The following MAEL variants were observed in gnomAD, a reference collection of about 807,000 sequenced individuals.
The protein encoded by MAEL is maelstrom spermatogenic transposon silencer.
In MAEL, 46 loss-of-function variants were observed where a neutral mutation model predicts 62.0. The ratio of observed to expected loss-of-function variants is 0.74; its 90% CI spans 0.59 to 0.95. MAEL has a LOEUF of 0.95. Ranked by LOEUF, MAEL falls within the 40% of genes least tolerant of loss-of-function variation. MAEL has a pLI of 0.00. For synonymous variants in MAEL, 172 were observed against 175.5 expected, an observed-to-expected ratio of 0.98 and a Z score of 0.16; for missense variants, 497 against 526.8, an observed-to-expected ratio of 0.94 and a Z score of 0.55.
chr1:167,017,999 T>C lies in MAEL; in HGVS notation c.1041+40T>C, dbSNP rs763779455. The C allele has an allele frequency of 2.5e-6, 4 of 1,593,344 alleles. No individual in the cohort carries two copies. The East Asian group carries it at 9.0e-5, about 36-fold the overall frequency. ...TTTAAGAGCTGCTGGTCTCTTTAGC[T>C]GTTCTACTCAATGTGATTCTGGCCA... On this transcript the variant is annotated intron_variant, in intron 10 of 11. Transcript: ENST00000367872.
rs551740910 is a variant in MAEL, at chr1:167,017,993, T to G, written c.1041+34T>G. The G allele has an allele frequency of 2.5e-6, 4 of 1,606,642 alleles. No homozygotes were observed. The South Asian group carries it at 3.3e-5, about 13-fold the overall frequency. ...CTGACTTTTAAGAGCTGCTGGTCTC[T>G]TTAGCTGTTCTACTCAATGTGATTC... is the stretch of plus-strand genomic sequence containing the variant. On this transcript the variant is annotated intron_variant, in intron 10 of 11. Coordinates refer to ENST00000367872, the MANE Select transcript of MAEL (RefSeq NM_032858.3).
chr1:166,988,592 T>C (rs1212691430), upstream of MAEL, among the ~76,000 whole-genome samples: 2 of 152,236 alleles, frequency 1.3e-5, no homozygotes, highest in East Asian at 1.9e-4. Flanking sequence ...TGTGACTATA[T>C]ACACAGGACC....
Position 166,989,335 on chromosome 1 carries a change from A to G in MAEL, c.-18A>G, listed in dbSNP as rs1209119163. The G allele has an allele frequency of 1.9e-6, 3 of 1,605,644 alleles. No homozygotes were observed. The highest frequency in any genetic ancestry group is 2.2e-5 in the South Asian group (2 of 89,234). ...GTGCTTTGTTCTGTCTGAGGCCAGG[A>G]AGTTTGACCGCGCTGCCATGCCGAA... On this transcript the variant is annotated 5_prime_UTR_variant, in exon 1 of 12. Transcript: ENST00000367872.
intron 5 of MAEL, among the ~76,000 whole-genome samples, chr1:166,998,463 T>C (rs1664519706): frequency 6.6e-6 from 1 of 152,232 alleles, no homozygotes; most frequent in Non-Finnish European, 1.5e-5. Flanking sequence ...ACTCTTGAGT[T>C]TTTAGCAGAT....
At chr1:167,003,352 C>CT (rs1250590997) in intron 5 of MAEL, among the ~76,000 whole-genome samples, 1 of 152,110 alleles carries the variant, frequency 6.6e-6, no homozygotes, top group Admixed American at 6.5e-5. Flanking sequence ...TCTGGAGTAC[C>CT]TGTGGGTATC....
intron 2 of MAEL, chr1:166,990,634 G>A (rs1664131508): frequency 6.6e-6 from 1 of 152,076 alleles, no homozygotes; most frequent in Non-Finnish European, 1.5e-5. Flanking sequence ...ACTCCAGCCT[G>A]TGCGAAAGAG....
intron 9 of MAEL, 38 bp from the exon 10 acceptor site, chr1:167,017,789 A>G: frequency 6.4e-7 from 1 of 1,566,316 alleles, no homozygotes; most frequent in Non-Finnish European, 8.7e-7. Flanking sequence ...GTTGAATTAA[A>G]TTAGATTCTG....
intron 1 of MAEL, among the ~76,000 whole-genome samples, chr1:166,983,673 A>G (rs1327866): frequency 0.26 from 39,781 of 152,026 alleles, 5,588 homozygotes; most frequent in African/African-American, 0.37. Flanking sequence ...TGTTCTGTTT[A>G]TGTAGGACTT....
At chr1:166,989,600 G>A (rs1664070314) in intron 1 of MAEL, 116 bp downstream of exon 1, 4 of 1,485,340 alleles carry the variant, frequency 2.7e-6, no homozygotes, top group African/African-American at 1.4e-5. Flanking sequence ...CAGAGGAAGA[G>A]GAAGGCCCCC....
chr1:167,006,365 GTTAC>G (rs1440222963), intron 8 of MAEL, among the ~76,000 whole-genome samples: 1 of 151,732 alleles, frequency 6.6e-6, no homozygotes, highest in African/African-American at 2.4e-5. Context: ...GTACAGGCCA[GTTAC>G]TTTATAGAAT....
upstream of MAEL, among the ~76,000 whole-genome samples, chr1:166,984,923 G>T (rs1663869370): frequency 6.6e-6 from 1 of 152,134 alleles, no homozygotes; most frequent in African/African-American, 2.4e-5. Flanking sequence ...GTTAAATCTA[G>T]ATATGGTTTT....
upstream of MAEL, among the ~76,000 whole-genome samples, chr1:166,987,054 A>T (rs546610103): frequency 2.5e-4 from 38 of 151,940 alleles, 1 homozygote; most frequent in African/African-American, 8.9e-4. Flanking sequence ...TGACTTTAAA[A>T]TGAAACACAC....
chr1:166,991,335 C>T, intron 2 of MAEL, 43 bp from the exon 3 acceptor site: 1 of 1,279,008 alleles, frequency 7.8e-7, no homozygotes, highest in Non-Finnish European at 1.1e-6. Flanking sequence ...TCTAAAAGTG[C>T]CCAGCAAGAG....
At chr1:166,980,185 T>A (rs1663717458) in intron 1 of MAEL, among the ~76,000 whole-genome samples, 1 of 152,020 alleles carries the variant, frequency 6.6e-6, no homozygotes, top group African/African-American at 2.4e-5. Flanking sequence ...GCCCAGCTAA[T>A]TTTTAATTTG....
intron 5 of MAEL, among the ~76,000 whole-genome samples, chr1:166,999,577 C>G (rs10918608): frequency 6.6e-6 from 1 of 151,972 alleles, no homozygotes; most frequent in African/African-American, 2.4e-5. Context: ...CAAGTGCTGA[C>G]GTAGACGCTG....
At chr1:167,003,175 AAC>A (rs908956544) in intron 5 of MAEL, among the ~76,000 whole-genome samples, 2 of 152,132 alleles carry the variant, frequency 1.3e-5, no homozygotes, top group African/African-American at 4.8e-5. Flanking sequence ...TGCAGCCTCA[AAC>A]TCCTGGCTCA....
chr1:166,990,976 G>C (rs777301383), intron 2 of MAEL, among the ~76,000 whole-genome samples: 12 of 152,344 alleles, frequency 7.9e-5, no homozygotes, highest in Admixed American at 1.3e-4. Context: ...AAGCTATGGT[G>C]TATGTGTACC....
intron 8 of MAEL, 146 bp from the exon 9 acceptor site, chr1:167,016,076 T>C: frequency 1.4e-6 from 1 of 718,358 alleles, no homozygotes. Context: ...TTAAAATCTG[T>C]TTTTTAAAAA....
intron 2 of MAEL, 97 bp from the exon 3 acceptor site, chr1:166,991,281 C>T: frequency 1.3e-6 from 1 of 747,560 alleles, no homozygotes. Context: ...CCTTGGTAAT[C>T]TATAGGCTGT....
Sources: allele counts gnomAD v4.1 joint callset (sites outside exome capture counted in the v4.1 genomes callset), GRCh38; gene constraint gnomAD v4.1.1; transcripts MANE v1.5; gene names NCBI Gene and HGNC (gene_info 2026-07-23, HGNC 2026-07-21).